The following HCRTR2 variants were observed in gnomAD, a reference collection of about 807,000 sequenced individuals.
HCRTR2 encodes hypocretin receptor 2.
HCRTR2 carries 22 observed loss-of-function variants against 49.0 expected under a neutral mutation model. That is an observed-to-expected ratio of 0.45 (90% CI 0.32 to 0.64). The LOEUF is 0.64. Among genes scored for constraint, HCRTR2 ranks in the 30% least tolerant of loss-of-function variants. The pLI is 0.04. For synonymous variants in HCRTR2, 236 were observed against 205.3 expected, an observed-to-expected ratio of 1.15 and a Z score of -1.28; for missense variants, 491 against 559.4, an observed-to-expected ratio of 0.88 and a Z score of 1.23.
chr6:55,246,948 C>T (rs891278810), intron 1 of HCRTR2, among the ~76,000 whole-genome samples: 4 of 152,174 alleles, frequency 2.6e-5, no homozygotes, highest in Admixed American at 6.6e-5. Context: ...TGCCATTGCT[C>T]GTGTCCAAAA....
intron 1 of HCRTR2, among the ~76,000 whole-genome samples, chr6:55,182,793 A>G (rs569021306): frequency 6.6e-6 from 1 of 152,340 alleles, no homozygotes; most frequent in Admixed American, 6.5e-5. Flanking sequence ...TTTGCCAAAA[A>G]TTAACACTTG....
intron 1 of HCRTR2, among the ~76,000 whole-genome samples, chr6:55,215,079 C>T (rs1311947201): frequency 6.6e-6 from 1 of 152,224 alleles, no homozygotes; most frequent in East Asian, 1.9e-4. Context: ...GAATCCAGAG[C>T]ACAATGGCCT....
At chr6:55,275,954 A>G (rs1562030925) in intron 4 of HCRTR2, among the ~76,000 whole-genome samples, 2 of 77,918 alleles carry the variant, frequency 2.6e-5, no homozygotes, top group Non-Finnish European at 4.8e-5. Context: ...TAATTGATCT[A>G]TCAGAGATCA....
At chr6:55,222,380 A>G (rs1456337354) in intron 1 of HCRTR2, among the ~76,000 whole-genome samples, 1 of 152,114 alleles carries the variant, frequency 6.6e-6, no homozygotes, top group East Asian at 1.9e-4. Flanking sequence ...AATGTTTGGA[A>G]GTTCCTCAAA....
At chr6:55,119,302 TG>T (rs1158676348) in intron 1 of HCRTR2, among the ~76,000 whole-genome samples, 1 of 152,092 alleles carries the variant, frequency 6.6e-6, no homozygotes, top group Non-Finnish European at 1.5e-5. Context: ...TACCCGCTAA[TG>T]GGATTGCTGG....
At chr6:55,143,013 C>T (rs955926815) in intron 1 of HCRTR2, among the ~76,000 whole-genome samples, 34 of 137,042 alleles carry the variant, frequency 2.5e-4, no homozygotes, top group Non-Finnish European at 3.3e-4. Flanking sequence ...GATAGACAGA[C>T]AGACAGATAG....
At chr6:55,262,647 TATA>T (rs1320488566) in intron 3 of HCRTR2, among the ~76,000 whole-genome samples, 1 of 139,384 alleles carries the variant, frequency 7.2e-6, no homozygotes, top group African/African-American at 2.6e-5. Context: ...TTTATAAATA[TATA>T]ATGATTATAT....
At chr6:55,241,612 T>C (rs1417023148) in intron 1 of HCRTR2, among the ~76,000 whole-genome samples, 1 of 152,158 alleles carries the variant, frequency 6.6e-6, no homozygotes, top group Admixed American at 6.5e-5. Context: ...TAATACTTTG[T>C]TTCAAAAATA....
intron 1 of HCRTR2, among the ~76,000 whole-genome samples, chr6:55,168,732 AT>A (rs35672965): frequency 0.17 from 25,928 of 150,370 alleles, 2,541 homozygotes; most frequent in Non-Finnish European, 0.23. Flanking sequence ...TGCCTGGGTA[AT>A]TTTTTTTTTA....
chr6:55,120,386 G>A (rs1764180108), intron 1 of HCRTR2, among the ~76,000 whole-genome samples: 1 of 152,066 alleles, frequency 6.6e-6, no homozygotes, highest in Admixed American at 6.6e-5. Context: ...TCCTATCCAT[G>A]AGCATGGAAT....
At chr6:55,122,105 G>T (rs1764209027) in intron 1 of HCRTR2, among the ~76,000 whole-genome samples, 1 of 151,948 alleles carries the variant, frequency 6.6e-6, no homozygotes. Context: ...GACTTTTTTT[G>T]GTTGGTAAGC....
chr6:55,235,963 A>G (rs1028520038), intron 1 of HCRTR2, among the ~76,000 whole-genome samples: 3 of 152,030 alleles, frequency 2.0e-5, no homozygotes, highest in East Asian at 1.9e-4. Context: ...TTGTTTTTCC[A>G]TAATATAATA....
chr6:55,127,417 A>G lies in HCRTR2; in HGVS notation c.-378+20872A>G, dbSNP rs77911830. 9.5e-3 allele frequency among the ~76,000 whole-genome samples: 1,449 copies of G among 152,148 alleles called. 24 individuals carry two copies. Among genetic ancestry groups the G allele is most frequent in the African/African-American group, 0.033 (1,359 of 41,534 alleles). Reference sequence around the variant, plus strand: ...AAGCATTCACTGTCCAACCTGCCCCAATGAGATGAACCAGGTACCTCAGCT... The same window carrying G: ...AAGCATTCACTGTCCAACCTGCCCCGATGAGATGAACCAGGTACCTCAGCT... On this transcript the variant is annotated intron_variant, in intron 1 of 7. Coordinates refer to the HCRTR2 transcript ENST00000615358.
rs75847477 is a variant in HCRTR2 at position 55,130,822 on chromosome 6, G to T, written c.-378+24277G>T. Reference sequence around the variant, plus strand: ...ACACACATATACACAGAAATGACTTGTAAACACTACTGTTTTAATATCAGG... The same window carrying T: ...ACACACATATACACAGAAATGACTTTTAAACACTACTGTTTTAATATCAGG... On this transcript the variant is annotated intron_variant, in intron 1 of 7. Coordinates refer to the HCRTR2 transcript ENST00000615358. Among the ~76,000 whole-genome samples, 8 of 151,828 alleles carry T rather than the reference G, an allele frequency of 5.3e-5. No individual in the cohort carries two copies. The East Asian group carries it at 1.5e-3, about 29-fold the overall frequency.
chr6:55,242,545 G>C (rs944359724), intron 1 of HCRTR2, among the ~76,000 whole-genome samples: 2 of 152,060 alleles, frequency 1.3e-5, no homozygotes, highest in Non-Finnish European at 2.9e-5. Context: ...GATATATTTA[G>C]TACAGATCCT....
intron 2 of HCRTR2, among the ~76,000 whole-genome samples, chr6:55,249,771 A>G (rs1248853536): frequency 6.6e-6 from 1 of 152,090 alleles, no homozygotes; most frequent in Non-Finnish European, 1.5e-5. Context: ...TCATCAGATA[A>G]TGTTCACATT....
chr6:55,209,109 C>T (rs1032595708), intron 1 of HCRTR2, among the ~76,000 whole-genome samples: 1 of 151,930 alleles, frequency 6.6e-6, no homozygotes, highest in African/African-American at 2.4e-5. Flanking sequence ...TTTCTAAATC[C>T]ATTAAAATAG....
At chr6:55,246,609 A>G (rs1380574382) in intron 1 of HCRTR2, among the ~76,000 whole-genome samples, 1 of 152,056 alleles carries the variant, frequency 6.6e-6, no homozygotes, top group South Asian at 2.1e-4. Context: ...TTCTGCTTCA[A>G]TCAAGAGGAT....
At chr6:55,213,647 T>C (rs939875852) in intron 1 of HCRTR2, among the ~76,000 whole-genome samples, 3 of 152,138 alleles carry the variant, frequency 2.0e-5, no homozygotes, top group African/African-American at 7.2e-5. Context: ...CAGTGCAATC[T>C]AGAAGAAATT....
Sources: allele counts gnomAD v4.1 joint callset (sites outside exome capture counted in the v4.1 genomes callset), GRCh38; gene constraint gnomAD v4.1.1; transcripts MANE v1.5; gene names NCBI Gene and HGNC (gene_info 2026-07-23, HGNC 2026-07-21).